Variants in RAP1GDS1 observed in about 807,000 individuals in gnomAD.
RAP1GDS1 encodes RAP1, GTP-GDP dissociation stimulator 1.
RAP1GDS1 carries 35 observed loss-of-function variants against 71.1 expected under a neutral mutation model. The observed-to-expected ratio is 0.49, with a 90% confidence interval of 0.38 to 0.65. The LOEUF (loss-of-function observed/expected upper bound fraction) is 0.65. Among genes scored for constraint, RAP1GDS1 ranks in the 30% least tolerant of loss-of-function variants. The probability of loss-of-function intolerance (pLI) is 0.00; values close to 1 mark genes in which losing one functional copy is unlikely to be tolerated. For missense variants in RAP1GDS1, 663 were observed against 706.1 expected (o/e 0.94, Z 0.69); for synonymous variants, 229 against 243.1 (o/e 0.94, Z 0.54).
At chr4:98,330,681 G>A (rs1197335368) in intron 2 of RAP1GDS1, among the ~76,000 whole-genome samples, 26 of 146,682 alleles carry the variant, frequency 1.8e-4, no homozygotes, top group Non-Finnish European at 3.3e-4. Flanking sequence ...GGGAAGAGGC[G>A]CTCCTCACTT....
At chr4:98,420,711 T>G (rs1386329839) in intron 11 of RAP1GDS1, among the ~76,000 whole-genome samples, 1 of 152,196 alleles carries the variant, frequency 6.6e-6, no homozygotes, top group Non-Finnish European at 1.5e-5. Flanking sequence ...TTATTAGTAC[T>G]TATAGTCCTG....
intron 7 of RAP1GDS1, among the ~76,000 whole-genome samples, chr4:98,413,760 G>A: frequency 6.6e-6 from 1 of 152,118 alleles, no homozygotes; most frequent in East Asian, 1.9e-4. Flanking sequence ...GGGTCAAATG[G>A]AATTTCTAGT....
intron 1 of RAP1GDS1, among the ~76,000 whole-genome samples, chr4:98,275,295 A>G (rs1182397056): frequency 6.6e-6 from 1 of 152,192 alleles, no homozygotes; most frequent in African/African-American, 2.4e-5. Context: ...GTATAACAGT[A>G]TACTATGGTT....
chr4:98,359,344 A>G (rs1738402362), intron 4 of RAP1GDS1, among the ~76,000 whole-genome samples: 1 of 152,214 alleles, frequency 6.6e-6, no homozygotes, highest in South Asian at 2.1e-4. Flanking sequence ...GGTTGATATT[A>G]AAATGAGAAA....
At chr4:98,264,643 A>G (rs921945255) in intron 1 of RAP1GDS1, among the ~76,000 whole-genome samples, 2 of 152,212 alleles carry the variant, frequency 1.3e-5, no homozygotes, top group African/African-American at 4.8e-5. Context: ...AATATGACAC[A>G]TACACAAATT....
At chr4:98,410,716 A>C (rs527277359) in intron 7 of RAP1GDS1, among the ~76,000 whole-genome samples, 3 of 152,328 alleles carry the variant, frequency 2.0e-5, no homozygotes, top group South Asian at 2.1e-4. Context: ...TGAATCTCAT[A>C]ATGTTGAAAG....
At chr4:98,270,547 C>A (rs963169975) in intron 1 of RAP1GDS1, among the ~76,000 whole-genome samples, 2 of 152,146 alleles carry the variant, frequency 1.3e-5, no homozygotes, top group Non-Finnish European at 2.9e-5. Context: ...TGAAATAATT[C>A]TCTCAGTGCT....
chr4:98,346,873 A>G (rs958534006), intron 3 of RAP1GDS1, among the ~76,000 whole-genome samples: 1 of 152,224 alleles, frequency 6.6e-6, no homozygotes, highest in African/African-American at 2.4e-5. Context: ...AGGGCAGTAC[A>G]AAGAGTGAGT....
At chr4:98,310,554 G>A (rs1306964159) in intron 2 of RAP1GDS1, among the ~76,000 whole-genome samples, 1 of 152,032 alleles carries the variant, frequency 6.6e-6, no homozygotes, top group East Asian at 1.9e-4. Context: ...GATTGAATTC[G>A]TTCTTTAAAA....
At chr4:98,289,082 A>G (rs1726500005) in intron 1 of RAP1GDS1, among the ~76,000 whole-genome samples, 1 of 152,174 alleles carries the variant, frequency 6.6e-6, no homozygotes, top group African/African-American at 2.4e-5. Context: ...TGAATATGTG[A>G]TAATTATACA....
chr4:98,354,116 G>A (rs999194439), intron 4 of RAP1GDS1, among the ~76,000 whole-genome samples: 1 of 145,412 alleles, frequency 6.9e-6, no homozygotes, highest in Non-Finnish European at 1.5e-5. Context: ...ACTGCGGACT[G>A]CAGTGGCGCA....
chr4:98,274,682 TA>T (rs1723951311), intron 1 of RAP1GDS1, among the ~76,000 whole-genome samples: 2 of 152,188 alleles, frequency 1.3e-5, no homozygotes, highest in Admixed American at 1.3e-4. Flanking sequence ...ATTATTATTT[TA>T]TGGAGACTCT....
chr4:98,337,218 A>G (rs1734832443), intron 2 of RAP1GDS1, among the ~76,000 whole-genome samples: 1 of 152,112 alleles, frequency 6.6e-6, no homozygotes, highest in African/African-American at 2.4e-5. Context: ...AGCCTGCTTC[A>G]TTCTTTGTAT....
intron 2 of RAP1GDS1, among the ~76,000 whole-genome samples, chr4:98,325,837 G>T (rs1167700700): frequency 6.6e-6 from 1 of 150,796 alleles, no homozygotes; most frequent in Non-Finnish European, 1.5e-5. Flanking sequence ...ACGAGTTAGT[G>T]GGTGCAGCGC....
intron 2 of RAP1GDS1, among the ~76,000 whole-genome samples, chr4:98,299,401 TATCAAC>T (rs1728250891): frequency 6.6e-6 from 1 of 152,104 alleles, no homozygotes; most frequent in Non-Finnish European, 1.5e-5. Flanking sequence ...AGCATGAAAA[TATCAAC>T]ATTAACAGGA....
At position 98,421,269 on chromosome 4, in the gene RAP1GDS1, C is replaced by A; in HGVS notation, c.1315C>A (p.Gln439Lys). The A allele has an allele frequency of 6.2e-7, 1 of 1,607,312 alleles. No homozygotes were observed. Among genetic ancestry groups the A allele is most frequent in the Non-Finnish European group, 8.5e-7 (1 of 1,176,228 alleles). The change falls in exon 12 of 15, where the codon CAA (glutamine) becomes AAA (lysine). Residue 439 changes from glutamine to lysine, a missense_variant. Transcript: ENST00000408927. ...LIDAQAEAAE[Q>K]LGKNVKLVER... ...CTTTCCTATAGCAGAAGCTGCTGAA[C>A]AATTGGGAAAGAATGTTAAGTTAGT...
chr4:98,440,689 G>T (rs1347365005), intron 14 of RAP1GDS1, among the ~76,000 whole-genome samples: 1 of 151,992 alleles, frequency 6.6e-6, no homozygotes, highest in Non-Finnish European at 1.5e-5. Context: ...AGAATTGAAG[G>T]GTGTTGTTGT....
At position 98,442,816 on chromosome 4, in the gene RAP1GDS1, G is replaced by A. The variant is rs1039728032; in HGVS notation, c.*699G>A. 2.4e-4 allele frequency: 56 copies of A among 229,954 alleles called. No homozygotes were observed. The highest frequency in any genetic ancestry group is 1.2e-3 in the African/African-American group (53 of 45,176). 14.2% of individuals were successfully genotyped at this position (229,954 alleles called of 1,614,324 possible). A position where few individuals can be genotyped will look rare whatever the true frequency, so the allele number is the denominator to read the frequency against. On this transcript the variant is annotated 3_prime_UTR_variant, in exon 15 of 15. Transcript: ENST00000408927. ...GTAGTTTTCAGTGTGAAACTAAGGG[G>A]TTGAAGAATCACTATTACAATCCCT...
At chr4:98,365,394 C>G (rs1739332718) in intron 4 of RAP1GDS1, among the ~76,000 whole-genome samples, 1 of 152,064 alleles carries the variant, frequency 6.6e-6, no homozygotes, top group South Asian at 2.1e-4. Flanking sequence ...GTGAGCAGAT[C>G]CTTTGAGCTC....
Sources: allele counts gnomAD v4.1 joint callset (sites outside exome capture counted in the v4.1 genomes callset), GRCh38; gene constraint gnomAD v4.1.1; transcripts MANE v1.5; gene names NCBI Gene and HGNC (gene_info 2026-07-23, HGNC 2026-07-21).